Variants in PRKAG2 observed in about 807,000 individuals in gnomAD.
PRKAG2 encodes the protein 5'-AMP-activated protein kinase subunit gamma-2.
Under a neutral mutation model 69.6 loss-of-function variants are expected in PRKAG2, and 26 were observed. The observed-to-expected ratio is 0.37, with a 90% confidence interval of 0.27 to 0.52. The LOEUF (loss-of-function observed/expected upper bound fraction) is 0.52. Among genes scored for constraint, PRKAG2 ranks in the 20% least tolerant of loss-of-function variants. PRKAG2 has a pLI of 0.90. For missense variants in PRKAG2, 557 were observed against 740.0 expected (o/e 0.75, Z 2.87); for synonymous variants, 293 against 285.0 (o/e 1.03, Z -0.28).
At chr7:151,811,236 C>T (rs1481405936) in intron 1 of PRKAG2, among the ~76,000 whole-genome samples, 4 of 152,170 alleles carry the variant, frequency 2.6e-5, no homozygotes, top group African/African-American at 9.7e-5. Context: ...GACGGCTCAC[C>T]TGAAGAGAGG....
chr7:151,843,284 A>G (rs1202340665), intron 1 of PRKAG2, among the ~76,000 whole-genome samples: 2 of 152,202 alleles, frequency 1.3e-5, no homozygotes, highest in Non-Finnish European at 2.9e-5. Flanking sequence ...CAGCAGGGCT[A>G]TGTCTCACGT....
rs557354096 is a variant in PRKAG2 at position 151,693,486 on chromosome 7, A to C, written c.467-17849T>G. Among the ~76,000 whole-genome samples, 3 of 152,346 alleles carry C rather than the reference A, an allele frequency of 2.0e-5. No individual in the cohort carries two copies. In the South Asian group the frequency reaches 6.2e-4, roughly 32 times the overall value. On this transcript the variant is annotated intron_variant, in intron 3 of 15. Transcript: ENST00000287878. ...CTAGGCCCACGAGAGGGTTCTATGC[A>C]ATGGCTGCACCTTGAGAGCTTGCTT...
At chr7:151,696,265 C>T (rs974881744) in intron 3 of PRKAG2, among the ~76,000 whole-genome samples, 37 of 152,218 alleles carry the variant, frequency 2.4e-4, no homozygotes, top group African/African-American at 8.2e-4. Context: ...GAAAACGTGG[C>T]GCGCCCGGGG....
Position 151,576,357 on chromosome 7 carries a change from C to T in PRKAG2, c.946+14G>A, listed in dbSNP as rs1451939064. 1 of 1,575,634 alleles carries T rather than the reference C, an allele frequency of 6.3e-7. No homozygotes were observed. Among genetic ancestry groups the T allele is most frequent in the African/African-American group, 1.3e-5 (1 of 74,182 alleles). ...GTTTCCATTTTCGATTTTCCTCAGG[C>T]CCACACTGCTTACCTACAAAACTTT... On this transcript the variant is annotated intron_variant, in intron 7 of 15. Coordinates refer to ENST00000287878, the MANE Select transcript of PRKAG2 (RefSeq NM_016203.4).
chr7:151,725,666 T>C (rs1797825369), intron 3 of PRKAG2, among the ~76,000 whole-genome samples: 1 of 152,054 alleles, frequency 6.6e-6, no homozygotes, highest in Admixed American at 6.5e-5. Flanking sequence ...CAATTATTTA[T>C]AATTTGTATT....
At chr7:151,561,411 C>T (rs900479183) in intron 14 of PRKAG2, among the ~76,000 whole-genome samples, 18 of 152,126 alleles carry the variant, frequency 1.2e-4, no homozygotes, top group Admixed American at 3.3e-4. Context: ...GAAACAAGGT[C>T]GCAGCTCTTA....
chr7:151,802,171 C>T (rs75799992), intron 1 of PRKAG2, among the ~76,000 whole-genome samples: 7,311 of 152,300 alleles, frequency 0.048, 202 homozygotes, highest in South Asian at 0.095. Context: ...TGGGACATCC[C>T]TAGAGCCAGA....
chr7:151,827,380 A>T (rs961101184), intron 1 of PRKAG2, among the ~76,000 whole-genome samples: 1 of 152,140 alleles, frequency 6.6e-6, no homozygotes, highest in Non-Finnish European at 1.5e-5. Flanking sequence ...CCAGGATTAC[A>T]GGTGCCTGCC....
At chr7:151,794,561 C>A (rs938818925) in intron 1 of PRKAG2, among the ~76,000 whole-genome samples, 5 of 152,240 alleles carry the variant, frequency 3.3e-5, no homozygotes, top group African/African-American at 1.2e-4. Context: ...ATGATGAAGG[C>A]TGTGGGGAGC....
chr7:151,734,570 G>C (rs1218396903), intron 3 of PRKAG2, among the ~76,000 whole-genome samples: 1 of 152,154 alleles, frequency 6.6e-6, no homozygotes, highest in African/African-American at 2.4e-5. Context: ...TGTTTTTTTA[G>C]ATAGGGTCTA....
At chr7:151,791,359 C>T (rs1383122548) in intron 1 of PRKAG2, among the ~76,000 whole-genome samples, 1 of 152,184 alleles carries the variant, frequency 6.6e-6, no homozygotes, top group East Asian at 1.9e-4. Context: ...GCCCCATTCC[C>T]GTGATTTCTA....
chr7:151,847,547 G>A (rs781536331), intron 1 of PRKAG2, among the ~76,000 whole-genome samples: 1 of 152,176 alleles, frequency 6.6e-6, no homozygotes, highest in Non-Finnish European at 1.5e-5. Flanking sequence ...CACTGAGGCT[G>A]TACCCCCTGG....
In PRKAG2 at chr7:151,719,304, C is replaced by T. The variant is rs1796667794; in HGVS notation, c.467-43667G>A. On this transcript the variant is annotated intron_variant, in intron 3 of 15. Coordinates refer to ENST00000287878, the MANE Select transcript of PRKAG2 (RefSeq NM_016203.4). The surrounding 1 kb of genome is among the most constrained non-coding windows in gnomAD (Gnocchi z 5.2). ...CCAACTTATCATACAAGTTCTTGGG[C>T]AAGTGGGACTTTATGAAGGAGGTAG... 1.3e-5 allele frequency among the ~76,000 whole-genome samples: 2 copies of T among 152,090 alleles called. No homozygotes were observed. The highest frequency in any genetic ancestry group is 4.2e-4 in the South Asian group (2 of 4,770).
intron 4 of PRKAG2, among the ~76,000 whole-genome samples, chr7:151,664,279 C>G (rs888394511): frequency 6.6e-6 from 1 of 152,162 alleles, no homozygotes; most frequent in African/African-American, 2.4e-5. Flanking sequence ...TAACTTTACA[C>G]AATTTTATCT....
At chr7:151,851,354 GAAA>G (rs374397756) in intron 1 of PRKAG2, among the ~76,000 whole-genome samples, 1 of 144,600 alleles carries the variant, frequency 6.9e-6, no homozygotes, top group East Asian at 2.0e-4. Flanking sequence ...AAAAAAAAAA[GAAA>G]AAAAAAAATC....
chr7:151,611,706 G>A (rs1196456535), intron 5 of PRKAG2, among the ~76,000 whole-genome samples: 2 of 152,128 alleles, frequency 1.3e-5, no homozygotes, highest in African/African-American at 4.8e-5. Flanking sequence ...GCGCACTTAC[G>A]TGGGGTGGTC....
chr7:151,865,136 C>T (rs944941332), intron 1 of PRKAG2, among the ~76,000 whole-genome samples: 34 of 152,218 alleles, frequency 2.2e-4, no homozygotes, highest in Non-Finnish European at 2.9e-4. Context: ...TCCCTCCATC[C>T]CTTGAGTCTC....
rs1055808257 is a variant in PRKAG2, at chr7:151,557,032, C to T, written c.*169G>A. On this transcript the variant is annotated 3_prime_UTR_variant, in exon 16 of 16. Transcript: ENST00000287878. Reference sequence around the variant, plus strand: ...TTTAATGCAAGCCTGAATCTTCAAGCACATAAAATCTTTCTTTTTTAAGCT... The same window carrying T: ...TTTAATGCAAGCCTGAATCTTCAAGTACATAAAATCTTTCTTTTTTAAGCT... 9.0e-7 allele frequency: 1 copy of T among 1,112,498 alleles called. No individual in the cohort carries two copies. The highest frequency in any genetic ancestry group is 1.3e-6 in the Non-Finnish European group (1 of 763,412). The allele number at this position is 1,112,498 out of a possible 1,614,324, so 68.9% of individuals were successfully genotyped here. A position where few individuals can be genotyped will look rare whatever the true frequency, so the allele number is the denominator to read the frequency against.
chr7:151,859,640 C>G (rs1006109612), intron 1 of PRKAG2, among the ~76,000 whole-genome samples: 1 of 152,192 alleles, frequency 6.6e-6, no homozygotes, highest in Non-Finnish European at 1.5e-5. Context: ...GGTCTGCTGC[C>G]AGCCACAGCC....
Sources: gnomAD v4.1 joint callset for allele counts (sites outside exome capture counted in the v4.1 genomes callset) on GRCh38, gnomAD v4.1.1 for gene constraint, Gnocchi (gnomAD v3.1) non-coding constraint, MANE v1.5 for transcripts, NCBI Gene and HGNC (gene_info 2026-07-23, HGNC 2026-07-21) for gene names.